The following TMEM108 variants were observed in gnomAD, a reference collection of about 807,000 sequenced individuals.
TMEM108 encodes cancer/testis antigen 124.
A neutral mutation model predicts 35.1 loss-of-function variants in TMEM108; 12 were observed. The observed-to-expected ratio is 0.34, with a 90% CI of 0.22 to 0.55. The LOEUF is 0.55. Ranked by LOEUF, TMEM108 falls within the 20% of genes least tolerant of loss-of-function variation. The pLI is 0.89. For missense variants in TMEM108, 680 were observed against 753.3 expected (o/e 0.90, Z 1.14); for synonymous variants, 287 against 308.6 (o/e 0.93, Z 0.73).
chr3:133,305,612 A>G (rs2071023541), intron 3 of TMEM108, among the ~76,000 whole-genome samples: 1 of 152,112 alleles, frequency 6.6e-6, no homozygotes. Context: ...ATAGATTCCT[A>G]GGAGTGAAAT....
intron 2 of TMEM108, 103 bp downstream of exon 2, chr3:133,046,123 C>G (rs1167762803): frequency 6.6e-6 from 1 of 152,592 alleles, no homozygotes; most frequent in Non-Finnish European, 1.5e-5. Flanking sequence ...GATGCCCTGT[C>G]TGTGAAAGGC....
intron 3 of TMEM108, among the ~76,000 whole-genome samples, chr3:133,258,302 G>T (rs1185767331): frequency 6.6e-6 from 1 of 152,168 alleles, no homozygotes; most frequent in Non-Finnish European, 1.5e-5. Flanking sequence ...ACTATGAGAA[G>T]TAAATTGCTG....
At chr3:133,183,578 G>A (rs1291851820) in intron 2 of TMEM108, among the ~76,000 whole-genome samples, 2 of 152,162 alleles carry the variant, frequency 1.3e-5, no homozygotes, top group African/African-American at 4.8e-5. Context: ...AGAATGAAAA[G>A]GGGGTAGAAG....
At chr3:133,163,112 G>C (rs546735905) in intron 2 of TMEM108, among the ~76,000 whole-genome samples, 21 of 152,140 alleles carry the variant, frequency 1.4e-4, no homozygotes, top group Non-Finnish European at 2.5e-4. Flanking sequence ...GAGCCTCTCA[G>C]CTGCCATCTC....
intron 2 of TMEM108, among the ~76,000 whole-genome samples, chr3:133,173,537 A>C (rs1284054535): frequency 1.3e-5 from 2 of 152,256 alleles, no homozygotes; most frequent in Non-Finnish European, 2.9e-5. Context: ...TTCAGTTCAG[A>C]AGTGAAGGTA....
chr3:133,153,735 A>G (rs973112190), intron 2 of TMEM108, among the ~76,000 whole-genome samples: 7 of 152,174 alleles, frequency 4.6e-5, no homozygotes, highest in Non-Finnish European at 8.8e-5. Context: ...TGGAAAAATG[A>G]CTTTTAGTGA....
intron 2 of TMEM108, among the ~76,000 whole-genome samples, chr3:133,227,343 A>G (rs1178060610): frequency 6.7e-6 from 1 of 149,936 alleles, no homozygotes; most frequent in East Asian, 2.0e-4. Context: ...ACAGGCGCCC[A>G]CCACCTCGCC....
intron 2 of TMEM108, among the ~76,000 whole-genome samples, chr3:133,127,305 G>T (rs1026332432): frequency 6.6e-6 from 1 of 152,112 alleles, no homozygotes; most frequent in African/African-American, 2.4e-5. Context: ...CATTAGCCAC[G>T]TTTTAAGCAC....
Position 133,348,982 on chromosome 3 carries a change from G to T in TMEM108, c.41-30770G>T, listed in dbSNP as rs767420946. 1.1e-3 allele frequency among the ~76,000 whole-genome samples: 169 copies of T among 152,052 alleles called. 3 individuals are homozygous for T. The highest frequency in any genetic ancestry group is 2.0e-3 in the Admixed American group (31 of 15,246). ...AAACTATTGGGGGAAAATATTTTCA[G>T]TAAACATGATTGTTACCAAGTTTCT... On this transcript the variant is annotated intron_variant, in intron 3 of 5. Transcript: ENST00000321871.
chr3:133,060,994 G>A (rs1237575958), intron 2 of TMEM108, among the ~76,000 whole-genome samples: 2 of 152,098 alleles, frequency 1.3e-5, no homozygotes, highest in Non-Finnish European at 2.9e-5. Context: ...TGTTTTTAAT[G>A]GAAGGATATC....
chr3:133,233,285 C>A (rs1946183227), intron 3 of TMEM108, among the ~76,000 whole-genome samples: 1 of 152,072 alleles, frequency 6.6e-6, no homozygotes, highest in Non-Finnish European at 1.5e-5. Flanking sequence ...TGAGAATATG[C>A]AGTGTTTGGT....
At chr3:133,300,969 C>A (rs1487648509) in intron 3 of TMEM108, among the ~76,000 whole-genome samples, 2 of 89,268 alleles carry the variant, frequency 2.2e-5, no homozygotes, top group African/African-American at 8.3e-5. Flanking sequence ...TTAATACAGA[C>A]CCCAGTACAC....
intron 2 of TMEM108, among the ~76,000 whole-genome samples, chr3:133,189,517 A>G (rs777756798): frequency 2.6e-5 from 4 of 152,228 alleles, no homozygotes; most frequent in Non-Finnish European, 5.9e-5. Flanking sequence ...GTGGTAGAAG[A>G]GAGAATTCTA....
chr3:133,105,945 G>A (rs1405689671), intron 2 of TMEM108, among the ~76,000 whole-genome samples: 1 of 152,130 alleles, frequency 6.6e-6, no homozygotes, highest in South Asian at 2.1e-4. Context: ...TGGCTAAAGG[G>A]TAAAGGTCCT....
At chr3:133,098,674 A>G (rs1944048160) in intron 2 of TMEM108, among the ~76,000 whole-genome samples, 1 of 152,046 alleles carries the variant, frequency 6.6e-6, no homozygotes, top group South Asian at 2.1e-4. Context: ...AATGGGAGAA[A>G]TTGGCCAAAA....
At chr3:133,288,441 G>A (rs1005198052) in intron 3 of TMEM108, among the ~76,000 whole-genome samples, 6 of 152,316 alleles carry the variant, frequency 3.9e-5, no homozygotes, top group Admixed American at 2.6e-4. Context: ...TAAATCGGAT[G>A]CCTTTAGAAC....
At chr3:133,286,039 A>T (rs1395424368) in intron 3 of TMEM108, among the ~76,000 whole-genome samples, 1 of 152,146 alleles carries the variant, frequency 6.6e-6, no homozygotes. Context: ...TTTCACAACT[A>T]CCTCATCATT....
At chr3:133,159,006 A>G (rs781598283) in intron 2 of TMEM108, among the ~76,000 whole-genome samples, 2 of 152,220 alleles carry the variant, frequency 1.3e-5, no homozygotes, top group African/African-American at 4.8e-5. Flanking sequence ...CAAGCATGCT[A>G]TATCTGTTGG....
intron 3 of TMEM108, among the ~76,000 whole-genome samples, chr3:133,288,596 C>T (rs1036903116): frequency 3.3e-5 from 5 of 152,156 alleles, no homozygotes; most frequent in African/African-American, 1.2e-4. Flanking sequence ...TCACATGAAA[C>T]ACTCCACCTC....
Sources: gnomAD v4.1 joint callset for allele counts (sites outside exome capture counted in the v4.1 genomes callset) on GRCh38, gnomAD v4.1.1 for gene constraint, MANE v1.5 for transcripts, NCBI Gene and HGNC (gene_info 2026-07-23, HGNC 2026-07-21) for gene names.